The following MFSD1 variants were observed in gnomAD, a reference collection of about 807,000 sequenced individuals.
MFSD1 encodes lysosomal dipeptide transporter MFSD1.
In MFSD1, 59 loss-of-function variants were observed where a neutral mutation model predicts 67.1. The observed-to-expected ratio is 0.88, with a 90% CI of 0.71 to 1.09. MFSD1 has a LOEUF of 1.09. Ranked by LOEUF, MFSD1 falls within the 50% of genes least tolerant of loss-of-function variation. The pLI is 0.00. For missense variants in MFSD1, 552 were observed against 566.1 expected, an observed-to-expected ratio of 0.97 and a Z score of 0.25; for synonymous variants, 213 against 200.3, an observed-to-expected ratio of 1.06 and a Z score of -0.54.
intron 6 of MFSD1, among the ~76,000 whole-genome samples, chr3:158,812,749 C>T (rs1730098096): frequency 1.3e-5 from 2 of 152,164 alleles, no homozygotes; most frequent in South Asian, 4.1e-4. Context: ...CAATGGCTTC[C>T]CATCTCACAC....
intron 2 of MFSD1, among the ~76,000 whole-genome samples, chr3:158,804,640 T>C (rs1729630029): frequency 1.3e-5 from 2 of 152,220 alleles, no homozygotes; most frequent in Admixed American, 1.3e-4. Context: ...GTCAAAAATA[T>C]GAGCAGGTTT....
intron 5 of MFSD1, chr3:158,808,937 G>A: frequency 2.6e-6 from 1 of 391,204 alleles, no homozygotes; most frequent in Non-Finnish European, 4.6e-6. Context: ...GGCTCCAAGT[G>A]CGAGTGTCGG....
In MFSD1 at chr3:158,826,054, G is replaced by C. The variant is rs200660222; in HGVS notation, c.1328G>C (p.Arg443Pro). The change falls in exon 14 of 16, where the codon CGT becomes CCT. Residue 443 changes from arginine (R) to proline (P), a missense_variant. By Grantham distance (103) the Arg-to-Pro change is moderately radical (BLOSUM62 -2). Transcript: ENST00000415822. Reference sequence around the variant, plus strand: ...GTGGTCTTACTCTATTTGGTGAATCGTGCCCAGGGTAAGTAGAAGATCTGA... The same window carrying C: ...GTGGTCTTACTCTATTTGGTGAATCCTGCCCAGGGTAAGTAGAAGATCTGA... The part of the protein sequence containing the change: ...LSVVLLYLVN[R>P]AQGGNLNYSA... 1 of 1,613,086 alleles carries C rather than the reference G, an allele frequency of 6.2e-7. No homozygotes were observed. Among genetic ancestry groups the C allele is most frequent in the Non-Finnish European group, 8.5e-7 (1 of 1,179,422 alleles).
rs887577676 is a variant in MFSD1 at position 158,815,636 on chromosome 3, C to CT, written c.652+1579dup. Among the ~76,000 whole-genome samples, 265 of 147,744 alleles carry CT rather than the reference C, an allele frequency of 1.8e-3. 1 individual carries two copies. The highest frequency in any genetic ancestry group is 2.7e-3 in the Non-Finnish European group (182 of 66,710). ...TATTTCCTTGTACTTTTCAAGTAGA[C>CT]TTTTTTTTTTCTTTTTTTAAATTAT... On this transcript the variant is annotated intron_variant, in intron 7 of 15. Coordinates refer to ENST00000415822, the MANE Select transcript of MFSD1 (RefSeq NM_022736.4).
At chr3:158,810,450 A>G (rs910550962) in intron 6 of MFSD1, among the ~76,000 whole-genome samples, 1 of 152,230 alleles carries the variant, frequency 6.6e-6, no homozygotes, top group Non-Finnish European at 1.5e-5. Context: ...AAGAAACTCA[A>G]TATAAAAATA....
chr3:158,809,058 G>A (rs1253599763), intron 5 of MFSD1, 121 bp from the exon 6 acceptor site: 6 of 618,040 alleles, frequency 9.7e-6, no homozygotes, highest in African/African-American at 1.9e-5. Flanking sequence ...TTCAAGGGGA[G>A]GGGACAGAGG....
chr3:158,820,037 TC>T (rs1730593489), intron 8 of MFSD1, among the ~76,000 whole-genome samples, 177 bp from the exon 9 acceptor site: 1 of 152,230 alleles, frequency 6.6e-6, no homozygotes, highest in Admixed American at 6.5e-5. Flanking sequence ...TTTTGCTTTT[TC>T]TTATGTCTTT....
At chr3:158,804,787 C>T (rs1025590443) in intron 2 of MFSD1, among the ~76,000 whole-genome samples, 3 of 152,036 alleles carry the variant, frequency 2.0e-5, no homozygotes, top group African/African-American at 7.2e-5. Flanking sequence ...GAGGATTGTC[C>T]ATGTCAGGAT....
chr3:158,813,142 A>T (rs1730124973), intron 6 of MFSD1, among the ~76,000 whole-genome samples: 3 of 136,118 alleles, frequency 2.2e-5, no homozygotes, highest in African/African-American at 2.7e-5. Flanking sequence ...GGATATTTTT[A>T]TGCTTTCTTC....
intron 6 of MFSD1, among the ~76,000 whole-genome samples, chr3:158,812,303 C>T (rs1023868142): frequency 6.6e-6 from 1 of 152,132 alleles, no homozygotes; most frequent in South Asian, 2.1e-4. Flanking sequence ...CTATGTCACC[C>T]CCAGCAGCCC....
chr3:158,817,402 C>G (rs1333848059), intron 7 of MFSD1, among the ~76,000 whole-genome samples: 1 of 152,138 alleles, frequency 6.6e-6, no homozygotes, highest in Non-Finnish European at 1.5e-5. Context: ...TCAGCAAAGT[C>G]TCAGGATACA....
At chr3:158,827,912 GGGGGAGAGAGAGAGAGAGAGAGAGAGAGA>G (rs1459875780) in intron 15 of MFSD1, among the ~76,000 whole-genome samples, 38 of 88,990 alleles carry the variant, frequency 4.3e-4, no homozygotes, top group Admixed American at 7.3e-4. Context: ...GAGAGAGAGA[GGGGGAGAGAGAGAGAGAGAGAGAGAGAGA>G]GGGGGAGAGA....
At chr3:158,826,937 C>T (rs1730999243) in intron 14 of MFSD1, among the ~76,000 whole-genome samples, 1 of 152,030 alleles carries the variant, frequency 6.6e-6, no homozygotes, top group Non-Finnish European at 1.5e-5. Context: ...GATTTACAGG[C>T]GTGAGCTACC....
intron 11 of MFSD1, 113 bp from the exon 12 acceptor site, chr3:158,823,315 T>A: frequency 1.3e-6 from 1 of 743,988 alleles, no homozygotes; most frequent in Non-Finnish European, 2.4e-6. Context: ...ACAACAAAAT[T>A]TGCTTGAATA....
chr3:158,819,971 A>G (rs1028130508), intron 8 of MFSD1, among the ~76,000 whole-genome samples: 1 of 152,204 alleles, frequency 6.6e-6, no homozygotes, highest in Non-Finnish European at 1.5e-5. Context: ...GTATATTTGC[A>G]AAATGGTTAT....
At chr3:158,816,546 A>G (rs904158247) in intron 7 of MFSD1, among the ~76,000 whole-genome samples, 1 of 151,788 alleles carries the variant, frequency 6.6e-6, no homozygotes. Context: ...GATTCTGGAT[A>G]TTAGCCCTTT....
chr3:158,813,225 G>A (rs1432029446), intron 6 of MFSD1, among the ~76,000 whole-genome samples: 1 of 149,652 alleles, frequency 6.7e-6, no homozygotes, highest in Admixed American at 6.7e-5. Context: ...TCAGCTCACC[G>A]CAACCTCTAC....
chr3:158,815,727 T>C (rs1378368278), intron 7 of MFSD1, among the ~76,000 whole-genome samples: 4 of 151,808 alleles, frequency 2.6e-5, no homozygotes, highest in Non-Finnish European at 5.9e-5. Flanking sequence ...TATGTATACA[T>C]GTGCCATGCT....
At chr3:158,802,779 C>T (rs1729524897) in intron 1 of MFSD1, among the ~76,000 whole-genome samples, 1 of 152,158 alleles carries the variant, frequency 6.6e-6, no homozygotes. Flanking sequence ...TGGCTTACTG[C>T]AGCCTCCACC....
Sources: allele counts gnomAD v4.1 joint callset (sites outside exome capture counted in the v4.1 genomes callset), GRCh38; gene constraint gnomAD v4.1.1; transcripts MANE v1.5; gene names NCBI Gene and HGNC (gene_info 2026-07-23, HGNC 2026-07-21).